ASCC3: variants seen among roughly 807,000 people sequenced by gnomAD.
ASCC3 encodes ASC-1 complex subunit P200.
In ASCC3, 158 loss-of-function variants were observed where a neutral mutation model predicts 256.3. That is an observed-to-expected ratio of 0.62 (90% CI 0.54 to 0.70). The LOEUF is 0.70. Ranked by LOEUF, ASCC3 falls within the 30% of genes least tolerant of loss-of-function variation. ASCC3 has a pLI of 0.00. For synonymous variants in ASCC3, 948 were observed against 883.4 expected (o/e 1.07, Z -1.30); for missense variants, 2,259 against 2,626.0 (o/e 0.86, Z 3.05).
intron 24 of ASCC3, among the ~76,000 whole-genome samples, chr6:100,641,744 G>A (rs1026552434): frequency 1.3e-5 from 2 of 152,160 alleles, no homozygotes; most frequent in African/African-American, 4.8e-5. Flanking sequence ...ATTCACAATA[G>A]CAAAGACTTG....
chr6:100,728,663 G>A (rs959647297), intron 10 of ASCC3, among the ~76,000 whole-genome samples: 5 of 151,960 alleles, frequency 3.3e-5, no homozygotes, highest in Non-Finnish European at 5.9e-5. Flanking sequence ...TAAAATACAT[G>A]CTATACAATA....
intron 4 of ASCC3, among the ~76,000 whole-genome samples, chr6:100,818,905 T>C (rs976034581): frequency 6.6e-6 from 1 of 151,970 alleles, no homozygotes. Flanking sequence ...TAACTAGCAA[T>C]GAAAAATCTG....
chr6:100,665,445 C>A (rs918428761), intron 14 of ASCC3, among the ~76,000 whole-genome samples: 1 of 151,960 alleles, frequency 6.6e-6, no homozygotes, highest in African/African-American at 2.4e-5. Context: ...TGGAATCTGG[C>A]CGGGCACAGT....
intron 25 of ASCC3, among the ~76,000 whole-genome samples, chr6:100,638,025 A>G (rs1369253000): frequency 6.6e-6 from 1 of 152,216 alleles, no homozygotes; most frequent in East Asian, 1.9e-4. Flanking sequence ...AAGACGTTCT[A>G]TCGTGGGTAA....
rs546366685 is a variant in ASCC3 at position 100,762,884 on chromosome 6, T to A, written c.1737+3681A>T. 3.9e-5 allele frequency among the ~76,000 whole-genome samples: 6 copies of A among 152,290 alleles called. No individual in the cohort carries two copies. The South Asian group carries it at 1.2e-3, about 32-fold the overall frequency. On this transcript the variant is annotated intron_variant, in intron 10 of 41. Coordinates refer to ENST00000369162, the MANE Select transcript of ASCC3 (RefSeq NM_006828.4). Reference sequence around the variant, plus strand: ...ATGGCAGAAAATTTGCAAATGAGATTAATTTGCCTTCCTATATTTAAAAAA... The same window carrying A: ...ATGGCAGAAAATTTGCAAATGAGATAAATTTGCCTTCCTATATTTAAAAAA...
At chr6:100,847,610 T>A (rs1482575614) in intron 4 of ASCC3, among the ~76,000 whole-genome samples, 3 of 152,202 alleles carry the variant, frequency 2.0e-5, no homozygotes, top group African/African-American at 7.2e-5. Context: ...TAATGATTAT[T>A]TAACATGTTA....
intron 4 of ASCC3, among the ~76,000 whole-genome samples, chr6:100,825,554 C>A (rs943626994): frequency 6.6e-6 from 1 of 152,162 alleles, no homozygotes; most frequent in African/African-American, 2.4e-5. Flanking sequence ...ATCATTTCAA[C>A]CTTGGTGAAC....
intron 4 of ASCC3, among the ~76,000 whole-genome samples, chr6:100,815,754 C>T (rs527967967): frequency 7.2e-5 from 11 of 151,970 alleles, no homozygotes; most frequent in East Asian, 1.9e-4. Context: ...TTCCTTACAC[C>T]GTATAAAAAA....
chr6:100,601,000 T>C (rs1370052282), intron 34 of ASCC3, among the ~76,000 whole-genome samples: 1 of 152,068 alleles, frequency 6.6e-6, no homozygotes, highest in Non-Finnish European at 1.5e-5. Flanking sequence ...TTGTCTCCCT[T>C]CTCCTTAGGT....
intron 36 of ASCC3, among the ~76,000 whole-genome samples, chr6:100,557,805 T>C (rs1279452680): frequency 6.6e-6 from 1 of 152,096 alleles, no homozygotes; most frequent in African/African-American, 2.4e-5. Context: ...AAGGTGACTA[T>C]AGTCAATAAC....
Position 100,667,928 on chromosome 6 carries a change from T to C in ASCC3, c.2287-5392A>G, listed in dbSNP as rs528205856. Among the ~76,000 whole-genome samples the C allele has an allele frequency of 4.5e-4, 68 of 152,080 alleles. 1 individual carries two copies. The East Asian group carries it at 5.4e-3, about 12-fold the overall frequency. On this transcript the variant is annotated intron_variant, in intron 14 of 41. Transcript: ENST00000369162. The stretch of plus-strand genomic sequence containing the variant: ...AGGTAATCATTGGTAGAACCAATGA[T>C]TTAAAGATTGTGAAATTGAGAAAAA...
chr6:100,874,476 A>C (rs540188342), intron 1 of ASCC3, among the ~76,000 whole-genome samples: 12 of 151,282 alleles, frequency 7.9e-5, no homozygotes, highest in African/African-American at 2.9e-4. Context: ...AAAAAAAAAA[A>C]AAAAAAAAAA....
chr6:100,607,768 A>G (rs528579610), intron 30 of ASCC3, among the ~76,000 whole-genome samples: 15 of 151,832 alleles, frequency 9.9e-5, no homozygotes, highest in African/African-American at 3.4e-4. Flanking sequence ...AGCTATAAAC[A>G]TATTAGCATC....
At chr6:100,655,348 G>C (rs1775865462) in intron 17 of ASCC3, among the ~76,000 whole-genome samples, 2 of 151,734 alleles carry the variant, frequency 1.3e-5, no homozygotes, top group Non-Finnish European at 3.0e-5. Flanking sequence ...AACCTAAGCT[G>C]ATTATCAAAT....
chr6:100,521,791 C>T (rs1393004515), intron 37 of ASCC3, among the ~76,000 whole-genome samples: 4 of 152,196 alleles, frequency 2.6e-5, no homozygotes, highest in Non-Finnish European at 4.4e-5. Flanking sequence ...AAGGGATGGT[C>T]CAGGCAAATG....
intron 30 of ASCC3, among the ~76,000 whole-genome samples, chr6:100,612,176 AGCT>A (rs1773433475): frequency 1.3e-5 from 2 of 152,124 alleles, no homozygotes; most frequent in Middle Eastern, 3.4e-3. Flanking sequence ...ATACTCAAAA[AGCT>A]TTTGTAGAAA....
intron 5 of ASCC3, among the ~76,000 whole-genome samples, chr6:100,801,996 C>A (rs1769939169): frequency 6.7e-6 from 1 of 148,354 alleles, no homozygotes; most frequent in African/African-American, 2.5e-5. Context: ...ACATTTTAAG[C>A]AAATGTGACA....
At chr6:100,864,272 G>A (rs192749372) in intron 2 of ASCC3, 58 bp from the exon 3 acceptor site, 26 of 1,396,324 alleles carry the variant, frequency 1.9e-5, no homozygotes, top group East Asian at 6.9e-5. Context: ...CAACTCCAAC[G>A]CTGATTACAT....
chr6:100,568,155 G>A (rs370555340), intron 36 of ASCC3, among the ~76,000 whole-genome samples: 14 of 151,992 alleles, frequency 9.2e-5, no homozygotes, highest in Middle Eastern at 3.4e-3. Flanking sequence ...ATCACCTGAG[G>A]TAAGGAATTT....
Sources: gnomAD v4.1 joint callset for allele counts (sites outside exome capture counted in the v4.1 genomes callset) on GRCh38, gnomAD v4.1.1 for gene constraint, MANE v1.5 for transcripts, NCBI Gene and HGNC (gene_info 2026-07-23, HGNC 2026-07-21) for gene names.